SGCD: variants seen among roughly 807,000 people sequenced by gnomAD.
The protein encoded by SGCD is sarcoglycan delta.
Under a neutral mutation model 36.6 loss-of-function variants are expected in SGCD, and 18 were observed. The observed-to-expected ratio is 0.49, with a 90% CI of 0.34 to 0.73. The LOEUF (loss-of-function observed/expected upper bound fraction) is 0.73, where lower values mean the gene tolerates loss of function less well. Among genes scored for constraint, SGCD ranks in the 30% least tolerant of loss-of-function variants. SGCD has a pLI of 0.01. For missense variants in SGCD, 387 were observed against 346.7 expected, an observed-to-expected ratio of 1.12 and a Z score of -0.92; for synonymous variants, 133 against 130.6, an observed-to-expected ratio of 1.02 and a Z score of -0.12.
intron 3 of SGCD, among the ~76,000 whole-genome samples, chr5:156,178,683 C>T (rs1763529396): frequency 6.6e-6 from 1 of 152,122 alleles, no homozygotes; most frequent in Non-Finnish European, 1.5e-5. Flanking sequence ...TCAAGCAATT[C>T]TCCTGCCTCA....
At chr5:156,001,217 G>A (rs766274469) in intron 1 of SGCD, among the ~76,000 whole-genome samples, 1 of 152,120 alleles carries the variant, frequency 6.6e-6, no homozygotes, top group Admixed American at 6.5e-5. Flanking sequence ...AATTTCCCAC[G>A]TTCTGCATTT....
intron 3 of SGCD, among the ~76,000 whole-genome samples, chr5:156,141,685 T>C (rs1164110464): frequency 1.3e-5 from 2 of 152,160 alleles, no homozygotes; most frequent in Non-Finnish European, 2.9e-5. Flanking sequence ...TTATTTACAC[T>C]GAAGGAAGAG....
chr5:156,072,953 A>T (rs1020772056), intron 1 of SGCD, among the ~76,000 whole-genome samples: 1 of 152,032 alleles, frequency 6.6e-6, no homozygotes, highest in African/African-American at 2.4e-5. Context: ...TTCTTCACGT[A>T]GTTCTCGAGC....
At chr5:156,468,977 G>A (rs1373251469) in intron 3 of SGCD, among the ~76,000 whole-genome samples, 1 of 152,202 alleles carries the variant, frequency 6.6e-6, no homozygotes, top group Non-Finnish European at 1.5e-5. Context: ...GGATGACAGA[G>A]TGAAATTGTG....
chr5:156,351,036 T>C (rs1479648921), intron 3 of SGCD, among the ~76,000 whole-genome samples: 1 of 152,170 alleles, frequency 6.6e-6, no homozygotes, highest in African/African-American at 2.4e-5. Flanking sequence ...AAATAGCTTG[T>C]TATCTTTGCC....
chr5:156,468,550 A>G (rs905757716), intron 3 of SGCD, among the ~76,000 whole-genome samples: 1 of 152,194 alleles, frequency 6.6e-6, no homozygotes, highest in Non-Finnish European at 1.5e-5. Context: ...AACAAGTGCT[A>G]AAACTGTGGG....
chr5:155,812,359 G>A, the SGCD span, among the ~76,000 whole-genome samples: 2,055 of 152,258 alleles, frequency 0.013, 57 homozygotes, highest in African/African-American at 0.047. Flanking sequence ...TAGGCTCTCC[G>A]CAGAGGGAAG....
chr5:156,403,170 A>T (rs977828480), intron 3 of SGCD, among the ~76,000 whole-genome samples: 15 of 151,896 alleles, frequency 9.9e-5, no homozygotes, highest in Non-Finnish European at 1.9e-4. Flanking sequence ...CCTTCCATCC[A>T]TCCTCCCCAG....
At chr5:155,807,074 G>C in the SGCD span, among the ~76,000 whole-genome samples, 1 of 152,094 alleles carries the variant, frequency 6.6e-6, no homozygotes, top group African/African-American at 2.4e-5. Context: ...TTGCCTTCTT[G>C]CTTATTTTAA....
chr5:156,628,771 G>A (rs576038651), intron 6 of SGCD, among the ~76,000 whole-genome samples: 1 of 152,342 alleles, frequency 6.6e-6, no homozygotes, highest in South Asian at 2.1e-4. Flanking sequence ...GATTTGGTAG[G>A]GAGGAAGTGG....
intron 1 of SGCD, among the ~76,000 whole-genome samples, chr5:155,946,801 C>T (rs937722194): frequency 5.9e-5 from 9 of 152,210 alleles, no homozygotes; most frequent in Non-Finnish European, 1.0e-4. Context: ...TATGATTTTC[C>T]TCCTTTGGCC....
At chr5:155,976,065 A>G (rs1206348040) in intron 1 of SGCD, among the ~76,000 whole-genome samples, 1 of 152,222 alleles carries the variant, frequency 6.6e-6, no homozygotes, top group Non-Finnish European at 1.5e-5. Context: ...TTTTAAACAT[A>G]CAAAACAGTA....
the SGCD span, among the ~76,000 whole-genome samples, chr5:155,865,127 G>GATAA: frequency 8.6e-5 from 13 of 151,360 alleles, no homozygotes; most frequent in East Asian, 1.4e-3. Flanking sequence ...TAGATAGATA[G>GATAA]ATAGATATTT....
At chr5:155,972,143 T>A (rs1410383624) in intron 1 of SGCD, among the ~76,000 whole-genome samples, 1 of 152,174 alleles carries the variant, frequency 6.6e-6, no homozygotes, top group Non-Finnish European at 1.5e-5. Flanking sequence ...TTAAGTCTTT[T>A]AAGAATATTT....
intron 3 of SGCD, among the ~76,000 whole-genome samples, chr5:156,166,804 C>G (rs1454539019): frequency 6.6e-6 from 1 of 152,208 alleles, no homozygotes; most frequent in Non-Finnish European, 1.5e-5. Flanking sequence ...ACACTTTCCA[C>G]TGAAAAAGCA....
chr5:156,539,077 G>T (rs253602), intron 4 of SGCD, among the ~76,000 whole-genome samples: 88,594 of 151,402 alleles, frequency 0.59, 26,502 homozygotes, highest in African/African-American at 0.71. Flanking sequence ...TCTAAAATCA[G>T]GACAAAAAAA....
At chr5:156,073,403 G>A (rs1006424941) in intron 1 of SGCD, among the ~76,000 whole-genome samples, 1 of 151,860 alleles carries the variant, frequency 6.6e-6, no homozygotes, top group Non-Finnish European at 1.5e-5. Context: ...ACAAAAATTG[G>A]CCAAAAAAAG....
chr5:156,383,435 C>T (rs1200288738), intron 3 of SGCD, among the ~76,000 whole-genome samples: 3 of 152,056 alleles, frequency 2.0e-5, no homozygotes, highest in African/African-American at 4.8e-5. Flanking sequence ...ACCCAGTAGG[C>T]GGAGGTTACA....
chr5:156,371,841 T>A (rs934999251), intron 3 of SGCD, among the ~76,000 whole-genome samples: 8 of 152,200 alleles, frequency 5.3e-5, no homozygotes, highest in African/African-American at 1.9e-4. Flanking sequence ...TTATAGCACA[T>A]CTTTGTCTTT....
Sources: allele counts gnomAD v4.1 joint callset (sites outside exome capture counted in the v4.1 genomes callset), GRCh38; gene constraint gnomAD v4.1.1; transcripts MANE v1.5; gene names NCBI Gene and HGNC (gene_info 2026-07-23, HGNC 2026-07-21).